MOCOS: variants seen among roughly 807,000 people sequenced by gnomAD.
MOCOS encodes the protein molybdenum cofactor sulfurase, also known as human molybdenum cofactor sulfurase.
In MOCOS, 86 loss-of-function variants were observed where a neutral mutation model predicts 83.6. The ratio of observed to expected loss-of-function variants is 1.03; its 90% CI spans 0.86 to 1.23. The LOEUF is 1.23. MOCOS is among the 50% of genes most tolerant of loss of function. The pLI, the probability that MOCOS is intolerant of heterozygous loss-of-function variation, is 0.00. For missense variants in MOCOS, 1,120 were observed against 1,126.9 expected, an observed-to-expected ratio of 0.99 and a Z score of 0.09; for synonymous variants, 445 against 434.7, an observed-to-expected ratio of 1.02 and a Z score of -0.29.
Position 36,259,820 on chromosome 18 carries a change from A to G in MOCOS, c.2271-217A>G. Among the ~76,000 whole-genome samples, 2 of 152,094 alleles carry G rather than the reference A, an allele frequency of 1.3e-5. 1 individual carries two copies. Among genetic ancestry groups the G allele is most frequent in the Non-Finnish European group, 2.9e-5 (2 of 68,024 alleles). ...GGCTCTTGTGGGACTCTCACTGGAG[A>G]TGGGACCGTATCCCAGGGGAGGCCC... On this transcript the variant is annotated intron_variant, in intron 12 of 14. Coordinates refer to ENST00000261326, the MANE Select transcript of MOCOS (RefSeq NM_017947.4).
At chr18:36,268,389 T>C (rs978672033) in intron 14 of MOCOS, 144 bp from the exon 15 acceptor site, 49 of 983,692 alleles carry the variant, frequency 5.0e-5, no homozygotes, top group Non-Finnish European at 7.1e-5. Context: ...TGCATTCTAC[T>C]GTGTAACAGA....
intron 8 of MOCOS, among the ~76,000 whole-genome samples, chr18:36,219,295 C>T (rs983748366): frequency 1.3e-5 from 2 of 151,956 alleles, no homozygotes; most frequent in Non-Finnish European, 2.9e-5. Flanking sequence ...TCAAGCAATT[C>T]TCTCAGCTGA....
intron 12 of MOCOS, among the ~76,000 whole-genome samples, chr18:36,258,391 G>A (rs984321092): frequency 6.6e-6 from 1 of 152,180 alleles, no homozygotes; most frequent in African/African-American, 2.4e-5. Context: ...CCCAAAGTGA[G>A]GGTTTATAAC....
At position 36,252,680 on chromosome 18, in the gene MOCOS, C is replaced by T. The variant is rs139733822; in HGVS notation, c.2164+1397C>T. ...TCGAGGCTGCAGTGAGTTATCATCA[C>T]ACCAGTGCACTCCAGCCTGGCTGAC... On this transcript the variant is annotated intron_variant, in intron 11 of 14. Transcript: ENST00000261326. Among the ~76,000 whole-genome samples, 46 of 152,324 alleles carry T rather than the reference C, an allele frequency of 3.0e-4. No individual in the cohort carries two copies. In the East Asian group the frequency reaches 8.7e-3, roughly 29 times the overall value.
chr18:36,206,244 C>CTTTTT (rs71166102), intron 6 of MOCOS, among the ~76,000 whole-genome samples: 11 of 103,642 alleles, frequency 1.1e-4, no homozygotes, highest in South Asian at 3.6e-4. Context: ...TTTCTTCCAA[C>CTTTTT]TTTTTTTTTT....
chr18:36,198,501 A>G (rs2091399085), intron 2 of MOCOS, among the ~76,000 whole-genome samples, 189 bp from the exon 3 acceptor site: 1 of 152,238 alleles, frequency 6.6e-6, no homozygotes, highest in Admixed American at 6.5e-5. Context: ...AGCTACGAAC[A>G]TTCCCATGCA....
At chr18:36,266,724 C>T in intron 13 of MOCOS, 25 bp from the exon 14 acceptor site, 2 of 1,603,172 alleles carry the variant, frequency 1.2e-6, no homozygotes, top group African/African-American at 2.7e-5. Flanking sequence ...TGTGGCAACG[C>T]TGTGTTTTCC....
At chr18:36,192,702 C>G (rs1306314701) in intron 1 of MOCOS, among the ~76,000 whole-genome samples, 1 of 152,144 alleles carries the variant, frequency 6.6e-6, no homozygotes, top group Non-Finnish European at 1.5e-5. Context: ...GACTGGAGTA[C>G]AGTGGTGCAA....
At chr18:36,189,550 T>C (rs1396429270) in intron 1 of MOCOS, among the ~76,000 whole-genome samples, 2 of 152,226 alleles carry the variant, frequency 1.3e-5, no homozygotes, top group South Asian at 2.1e-4. Context: ...TCTGGTTAAG[T>C]GGTGGCTCAG....
intron 1 of MOCOS, among the ~76,000 whole-genome samples, chr18:36,192,041 T>C (rs2091368126): frequency 6.6e-6 from 1 of 152,244 alleles, no homozygotes; most frequent in Non-Finnish European, 1.5e-5. Context: ...ACTTTCATCC[T>C]GAGTTTGAAA....
chr18:36,223,051 T>C (rs1046415700), intron 9 of MOCOS, among the ~76,000 whole-genome samples: 8 of 152,246 alleles, frequency 5.3e-5, no homozygotes, highest in South Asian at 2.1e-4. Context: ...GCCTTTTCAC[T>C]TTTTTAATTG....
chr18:36,259,889 T>C, intron 12 of MOCOS, 148 bp from the exon 13 acceptor site: 1 of 1,124,996 alleles, frequency 8.9e-7, no homozygotes, highest in Non-Finnish European at 1.3e-6. Context: ...CTTGCACTCA[T>C]GGTAAAAGTC....
intron 1 of MOCOS, among the ~76,000 whole-genome samples, chr18:36,189,458 G>GGA (rs1555650685): frequency 1.3e-5 from 2 of 151,920 alleles, no homozygotes; most frequent in Non-Finnish European, 2.9e-5. Flanking sequence ...GAGAGGGCGG[G>GGA]AAAAAACAAA....
chr18:36,190,757 CAAAAAA>C (rs879701776), intron 1 of MOCOS, among the ~76,000 whole-genome samples: 1 of 151,360 alleles, frequency 6.6e-6, no homozygotes, highest in African/African-American at 2.4e-5. Flanking sequence ...TCAAAAAAAA[CAAAAAA>C]ACAAAACAAA....
At chr18:36,251,022 C>T (rs1282799751) in intron 10 of MOCOS, 137 bp from the exon 11 acceptor site, 2 of 1,066,014 alleles carry the variant, frequency 1.9e-6, no homozygotes, top group Non-Finnish European at 2.7e-6. Context: ...CTTGCAGCAT[C>T]TGTCACTTCA....
At position 36,260,184 on chromosome 18, in the gene MOCOS, G is replaced by A. The variant is rs2091658671; in HGVS notation, c.2409+9G>A. On this transcript the variant is annotated intron_variant, in intron 13 of 14. Transcript: ENST00000261326. ...GCTCTTTGCGTTTCCAGGTAAGTTT[G>A]GGGAAGTTCTATTATCCTTCCTCCA... 1.2e-6 allele frequency: 2 copies of A among 1,614,050 alleles called. No homozygotes were observed.
chr18:36,189,233 C>T (rs960378296), intron 1 of MOCOS, among the ~76,000 whole-genome samples: 2 of 152,122 alleles, frequency 1.3e-5, no homozygotes, highest in African/African-American at 4.8e-5. Flanking sequence ...CCCTCAAATG[C>T]AAAATTGGGA....
At chr18:36,240,866 G>A (rs759715486) in intron 9 of MOCOS, among the ~76,000 whole-genome samples, 8 of 152,022 alleles carry the variant, frequency 5.3e-5, no homozygotes, top group Non-Finnish European at 8.8e-5. Flanking sequence ...TCGGAAAAGC[G>A]CAGTATTCGG....
chr18:36,225,808 G>T (rs1240620114), intron 9 of MOCOS, among the ~76,000 whole-genome samples: 1 of 151,908 alleles, frequency 6.6e-6, no homozygotes, highest in African/African-American at 2.4e-5. Flanking sequence ...GGTCATTTAA[G>T]AGTGTGTTGT....
Sources: gnomAD v4.1 joint callset for allele counts (sites outside exome capture counted in the v4.1 genomes callset) on GRCh38, gnomAD v4.1.1 for gene constraint, MANE v1.5 for transcripts, NCBI Gene and HGNC (gene_info 2026-07-23, HGNC 2026-07-21) for gene names.